Variants in CBFB observed in about 807,000 individuals in gnomAD.
The protein encoded by CBFB is CBF-beta.
CBFB carries 9 observed loss-of-function variants against 30.4 expected under a neutral mutation model. That is an observed-to-expected ratio of 0.30 (90% confidence interval 0.18 to 0.52). The LOEUF is 0.52. CBFB is among the 20% of genes least tolerant of loss of function. The pLI, the probability that CBFB is intolerant of heterozygous loss-of-function variation, is 0.97. For missense variants in CBFB, 170 were observed against 244.0 expected, an observed-to-expected ratio of 0.70 and a Z score of 2.02; for synonymous variants, 94 against 84.0, an observed-to-expected ratio of 1.12 and a Z score of -0.65.
chr16:67,073,752 G>C (rs138764537), intron 4 of CBFB, among the ~76,000 whole-genome samples: 1 of 140,496 alleles, frequency 7.1e-6, no homozygotes, highest in African/African-American at 2.7e-5. Flanking sequence ...AAAAAAACAC[G>C]AGGCCGGGCG....
intron 3 of CBFB, among the ~76,000 whole-genome samples, chr16:67,063,669 A>G (rs1192416529): frequency 6.6e-6 from 1 of 152,090 alleles, no homozygotes; most frequent in South Asian, 2.1e-4. Flanking sequence ...TCTTGAACTC[A>G]TGACCTCCTG....
intron 5 of CBFB, among the ~76,000 whole-genome samples, chr16:67,086,062 C>T (rs1961725236): frequency 6.6e-6 from 1 of 152,104 alleles, no homozygotes; most frequent in Non-Finnish European, 1.5e-5. Context: ...CTGAGGATGT[C>T]CCCAAGAATA....
At chr16:67,079,646 C>A (rs970705951) in intron 4 of CBFB, among the ~76,000 whole-genome samples, 3 of 151,122 alleles carry the variant, frequency 2.0e-5, no homozygotes, top group Non-Finnish European at 4.4e-5. Flanking sequence ...TCTCTGAGCA[C>A]TGCATCAGTT....
chr16:67,084,686 A>G (rs1050994493), intron 5 of CBFB, among the ~76,000 whole-genome samples: 13 of 152,192 alleles, frequency 8.5e-5, no homozygotes, highest in African/African-American at 2.4e-4. Flanking sequence ...AATGTTACAT[A>G]ATGAAGAAAA....
intron 3 of CBFB, among the ~76,000 whole-genome samples, chr16:67,066,393 C>CAAAAAA (rs56360240): frequency 1.4e-4 from 13 of 96,036 alleles, no homozygotes; most frequent in Middle Eastern, 5.1e-3. Context: ...ACTAAAAATA[C>CAAAAAA]AAAAAAAAAA....
At chr16:67,076,618 G>A (rs1961404673) in intron 4 of CBFB, among the ~76,000 whole-genome samples, 1 of 152,076 alleles carries the variant, frequency 6.6e-6, no homozygotes. Flanking sequence ...AGGGAAACAG[G>A]GTAGAGCAGC....
At chr16:67,074,656 C>T (rs891082636) in intron 4 of CBFB, among the ~76,000 whole-genome samples, 1 of 152,068 alleles carries the variant, frequency 6.6e-6, no homozygotes, top group African/African-American at 2.4e-5. Flanking sequence ...GCTGGGATTA[C>T]AGGCATGAGC....
At chr16:67,059,734 A>C (rs1265563952) in intron 3 of CBFB, among the ~76,000 whole-genome samples, 6 of 152,024 alleles carry the variant, frequency 3.9e-5, no homozygotes, top group Admixed American at 3.9e-4. Flanking sequence ...CTTGCTCCAG[A>C]TTCTTCCTGG....
rs187785750 is a variant in CBFB, at chr16:67,099,997, A to G, written c.*1219A>G. The G allele has an allele frequency of 1.4e-5, 3 of 209,258 alleles. No homozygotes were observed. The highest frequency in any genetic ancestry group is 5.9e-5 in the Admixed American group (1 of 16,914). The allele number at this position is 209,258 out of a possible 1,614,324, so 13.0% of individuals were successfully genotyped here. ...ATATATGGTATTTTGCAAAAGGACT[A>G]TTAATAGAACCTTTTGAGATGAATT... On this transcript the variant is annotated 3_prime_UTR_variant, in exon 6 of 6. Coordinates refer to ENST00000412916, the MANE Select transcript of CBFB (RefSeq NM_022845.3).
intron 4 of CBFB, among the ~76,000 whole-genome samples, chr16:67,070,372 T>A (rs1398107532): frequency 6.6e-6 from 1 of 152,120 alleles, no homozygotes; most frequent in Non-Finnish European, 1.5e-5. Flanking sequence ...GACCTTCATC[T>A]CTAAACATAA....
At chr16:67,041,440 T>C (rs930950073) in intron 3 of CBFB, among the ~76,000 whole-genome samples, 1 of 152,124 alleles carries the variant, frequency 6.6e-6, no homozygotes, top group African/African-American at 2.4e-5. Flanking sequence ...CAATAGGATT[T>C]GCTTATGGAT....
chr16:67,068,053 C>T (rs1299937844), intron 4 of CBFB, among the ~76,000 whole-genome samples: 1 of 152,164 alleles, frequency 6.6e-6, no homozygotes, highest in Non-Finnish European at 1.5e-5. Flanking sequence ...AAGCATTTCC[C>T]CAAGCTACAC....
At chr16:67,073,574 C>T (rs534194270) in intron 4 of CBFB, among the ~76,000 whole-genome samples, 13 of 147,268 alleles carry the variant, frequency 8.8e-5, no homozygotes, top group East Asian at 6.1e-4. Flanking sequence ...GGTGAAACTC[C>T]GTCTCTACTG....
At chr16:67,048,301 G>A (rs1966667421) in intron 3 of CBFB, among the ~76,000 whole-genome samples, 1 of 151,994 alleles carries the variant, frequency 6.6e-6, no homozygotes, top group Non-Finnish European at 1.5e-5. Context: ...TAAATGTATT[G>A]GCCAAGGTTA....
intron 3 of CBFB, among the ~76,000 whole-genome samples, chr16:67,051,405 G>GA (rs1966736730): frequency 6.6e-6 from 1 of 151,720 alleles, no homozygotes; most frequent in Non-Finnish European, 1.5e-5. Context: ...GATCCAAAAT[G>GA]TAATATATAT....
intron 4 of CBFB, 59 bp from the exon 5 acceptor site, chr16:67,082,154 A>C: frequency 7.5e-7 from 1 of 1,334,418 alleles, no homozygotes; most frequent in Non-Finnish European, 1.0e-6. Context: ...AACAAAACCC[A>C]AATATTGTAT....
intron 3 of CBFB, among the ~76,000 whole-genome samples, chr16:67,060,647 C>T (rs1960885313): frequency 6.6e-6 from 1 of 152,152 alleles, no homozygotes; most frequent in African/African-American, 2.4e-5. Context: ...CCTCCGCCTC[C>T]TGGGTTCAAA....
intron 3 of CBFB, among the ~76,000 whole-genome samples, chr16:67,057,140 G>A (rs943106735): frequency 6.7e-6 from 1 of 149,556 alleles, no homozygotes; most frequent in Non-Finnish European, 1.5e-5. Flanking sequence ...CTGCCACCAT[G>A]CCCGGCTAAT....
intron 5 of CBFB, among the ~76,000 whole-genome samples, chr16:67,085,209 G>A (rs1282797916): frequency 1.3e-5 from 2 of 151,710 alleles, no homozygotes; most frequent in East Asian, 1.9e-4. Context: ...TCATTCTGTC[G>A]CCCAGGCTGG....
Sources: allele counts gnomAD v4.1 joint callset (sites outside exome capture counted in the v4.1 genomes callset), GRCh38; gene constraint gnomAD v4.1.1; transcripts MANE v1.5; gene names NCBI Gene and HGNC (gene_info 2026-07-23, HGNC 2026-07-21).